The following ZBTB16 variants were observed in gnomAD, a reference collection of about 807,000 sequenced individuals.
The protein encoded by ZBTB16 is zinc finger and BTB domain-containing protein 16.
ZBTB16 carries 8 observed loss-of-function variants against 56.8 expected under a neutral mutation model. That is an observed-to-expected ratio of 0.14 (90% confidence interval 0.08 to 0.25). The LOEUF is 0.25. ZBTB16 is among the 10% of genes least tolerant of loss of function. The probability of loss-of-function intolerance (pLI) is 1.00; values close to 1 mark genes in which losing one functional copy is unlikely to be tolerated. For missense variants in ZBTB16, 625 were observed against 903.0 expected (o/e 0.69, Z 3.95); for synonymous variants, 363 against 368.5 (o/e 0.98, Z 0.17).
chr11:114,108,687 A>G (rs1210103566), intron 2 of ZBTB16, among the ~76,000 whole-genome samples: 1 of 152,190 alleles, frequency 6.6e-6, no homozygotes, highest in African/African-American at 2.4e-5. Context: ...GAATGCAGCG[A>G]TGGTACACAC....
At chr11:114,179,395 C>A (rs1273657638) in intron 3 of ZBTB16, among the ~76,000 whole-genome samples, 3 of 152,124 alleles carry the variant, frequency 2.0e-5, no homozygotes, top group African/African-American at 7.2e-5. Flanking sequence ...TGTTCTCCGT[C>A]TGATAAGAGG....
At chr11:114,178,168 C>T (rs1943163692) in intron 3 of ZBTB16, among the ~76,000 whole-genome samples, 1 of 152,022 alleles carries the variant, frequency 6.6e-6, no homozygotes, top group African/African-American at 2.4e-5. Context: ...TTTTAAATTG[C>T]GTGATATATC....
chr11:114,173,522 A>G (rs541468236), intron 3 of ZBTB16, among the ~76,000 whole-genome samples: 6 of 152,352 alleles, frequency 3.9e-5, no homozygotes, highest in African/African-American at 1.4e-4. Flanking sequence ...AAAGGAACTG[A>G]CAACTCTGGA....
chr11:114,074,510 C>G (rs1939466781), intron 2 of ZBTB16, among the ~76,000 whole-genome samples: 1 of 152,200 alleles, frequency 6.6e-6, no homozygotes, highest in Non-Finnish European at 1.5e-5. Context: ...GCTCCCCCAA[C>G]CCATCTCTTT....
intron 2 of ZBTB16, among the ~76,000 whole-genome samples, chr11:114,142,751 G>A (rs749712071): frequency 1.0e-4 from 15 of 142,976 alleles, no homozygotes; most frequent in Admixed American, 2.1e-4. Flanking sequence ...GAGGAGCATG[G>A]GGCCTTGGGG....
intron 2 of ZBTB16, among the ~76,000 whole-genome samples, chr11:114,071,094 C>G (rs755861410): frequency 6.6e-6 from 1 of 152,076 alleles, no homozygotes; most frequent in Non-Finnish European, 1.5e-5. Flanking sequence ...TGGATTGTTG[C>G]GCTCTTTAAA....
rs549083265 is a variant in ZBTB16 at position 114,164,390 on chromosome 11, G to A, written c.1366+7956G>A. On this transcript the variant is annotated intron_variant, in intron 3 of 6. Transcript: ENST00000335953. Reference sequence around the variant, plus strand: ...TGACGGTCTTATTAGGAAATGAATGGTGCCCTAGAGGGATGGATGCTGGGA... The same window carrying A: ...TGACGGTCTTATTAGGAAATGAATGATGCCCTAGAGGGATGGATGCTGGGA... 4.8e-4 allele frequency among the ~76,000 whole-genome samples: 73 copies of A among 152,238 alleles called. 1 individual carries two copies. Among genetic ancestry groups the A allele is most frequent in the African/African-American group, 1.6e-3 (68 of 41,530 alleles).
intron 2 of ZBTB16, among the ~76,000 whole-genome samples, chr11:114,129,923 G>A (rs1941617245): frequency 6.6e-6 from 1 of 152,170 alleles, no homozygotes; most frequent in South Asian, 2.1e-4. Context: ...GTGCCGCACC[G>A]TAAATGAAAT....
intron 2 of ZBTB16, among the ~76,000 whole-genome samples, chr11:114,153,762 C>G (rs766251958): frequency 6.6e-5 from 10 of 152,124 alleles, no homozygotes; most frequent in Non-Finnish European, 1.0e-4. Context: ...ACCTGGTAGG[C>G]TAGGTAAAAG....
intron 2 of ZBTB16, among the ~76,000 whole-genome samples, chr11:114,103,581 C>T (rs1364784165): frequency 6.6e-6 from 1 of 151,840 alleles, no homozygotes; most frequent in African/African-American, 2.4e-5. Flanking sequence ...AAAGAGTAGG[C>T]CCCTATCTCT....
At chr11:114,181,019 C>T (rs1161214888) in intron 3 of ZBTB16, 3 of 152,252 alleles carry the variant, frequency 2.0e-5, no homozygotes, top group East Asian at 3.8e-4. Flanking sequence ...AACAATCACT[C>T]ATCTTTAAAT....
chr11:114,211,796 C>T (rs1489423471), intron 4 of ZBTB16, among the ~76,000 whole-genome samples: 1 of 152,072 alleles, frequency 6.6e-6, no homozygotes, highest in East Asian at 1.9e-4. Context: ...GAGGGCAGAG[C>T]GCTTTATAAG....
At chr11:114,200,057 G>T (rs1473100141) in intron 4 of ZBTB16, among the ~76,000 whole-genome samples, 2 of 151,868 alleles carry the variant, frequency 1.3e-5, no homozygotes, top group African/African-American at 2.4e-5. Flanking sequence ...GAACCCGGGA[G>T]GCGGAGCTTG....
chr11:114,220,616 A>G (rs1023005020), intron 4 of ZBTB16, among the ~76,000 whole-genome samples: 1 of 152,234 alleles, frequency 6.6e-6, no homozygotes, highest in African/African-American at 2.4e-5. Context: ...AGTCTGATTC[A>G]TCAGTGTCTC....
chr11:114,187,593 G>A (rs543982091), intron 4 of ZBTB16: 2 of 178,820 alleles, frequency 1.1e-5, no homozygotes, highest in Non-Finnish European at 2.4e-5. Flanking sequence ...TGTGATCAGA[G>A]TCGTTGTCAT....
intron 2 of ZBTB16, among the ~76,000 whole-genome samples, chr11:114,146,574 CG>C (rs1942109735): frequency 6.6e-6 from 1 of 152,070 alleles, no homozygotes; most frequent in Non-Finnish European, 1.5e-5. Context: ...GGGCTAGGCA[CG>C]GTGGCTCATA....
chr11:114,116,604 A>G (rs78566363), intron 2 of ZBTB16, among the ~76,000 whole-genome samples: 4 of 152,104 alleles, frequency 2.6e-5, no homozygotes, highest in African/African-American at 7.2e-5. Flanking sequence ...CAACTCATCA[A>G]ATATTTACTG....
chr11:114,129,522 ATT>A (rs1941606146), intron 2 of ZBTB16, among the ~76,000 whole-genome samples: 2 of 152,070 alleles, frequency 1.3e-5, no homozygotes, highest in South Asian at 4.1e-4. Flanking sequence ...CCACCTGCCT[ATT>A]CCCTTTCATT....
Position 114,250,945 on chromosome 11 carries a change from C to T in ZBTB16, c.*390C>T, listed in dbSNP as rs1944907506. The stretch of plus-strand genomic sequence containing the variant: ...AGCCACACGGTCTGTGCCGGCCTTC[C>T]TCCACCAAGACCCCCAGGAGATGAA... On this transcript the variant is annotated 3_prime_UTR_variant, in exon 7 of 7. Transcript: ENST00000335953. This position sits in a 1 kb window ranked among gnomAD's most constrained non-coding sequence, Gnocchi z 6.0. Among the ~76,000 whole-genome samples the T allele has an allele frequency of 6.6e-6, 1 of 152,314 alleles. No homozygotes were observed. Among genetic ancestry groups the T allele is most frequent in the Admixed American group, 6.5e-5 (1 of 15,304 alleles).
Sources: gnomAD v4.1 joint callset for allele counts (sites outside exome capture counted in the v4.1 genomes callset) on GRCh38, gnomAD v4.1.1 for gene constraint, Gnocchi (gnomAD v3.1) non-coding constraint, MANE v1.5 for transcripts, NCBI Gene and HGNC (gene_info 2026-07-23, HGNC 2026-07-21) for gene names.